The following CNTN3 variants were observed in gnomAD, a reference collection of about 807,000 sequenced individuals.
CNTN3 encodes contactin 3.
A neutral mutation model predicts 119.1 loss-of-function variants in CNTN3; 60 were observed. The observed-to-expected ratio is 0.50, with a 90% CI of 0.41 to 0.62. CNTN3 has a LOEUF of 0.62. Ranked by LOEUF, CNTN3 falls within the 20% of genes least tolerant of loss-of-function variation. The pLI is 0.00. For missense variants in CNTN3, 1,101 were observed against 1,242.4 expected (o/e 0.89, Z 1.71); for synonymous variants, 450 against 438.7 (o/e 1.03, Z -0.32).
rs1254617222 is a variant in CNTN3, at chr3:74,607,335, C to G, written c.-81+7056G>C. On this transcript the variant is annotated intron_variant, in intron 1 of 22. Transcript: ENST00000263665. Reference sequence around the variant, plus strand: ...AGCAGGCATCAGATTAGATCACTAGCTATATTGTTCGGGTTGATTTTAATT... The same window carrying G: ...AGCAGGCATCAGATTAGATCACTAGGTATATTGTTCGGGTTGATTTTAATT... Among the ~76,000 whole-genome samples the G allele has an allele frequency of 2.0e-5, 3 of 152,168 alleles. No homozygotes were observed. The East Asian group carries it at 5.8e-4, about 29-fold the overall frequency.
At chr3:74,402,435 TTTC>T (rs1705222721) in intron 5 of CNTN3, among the ~76,000 whole-genome samples, 1 of 152,214 alleles carries the variant, frequency 6.6e-6, no homozygotes, top group African/African-American at 2.4e-5. Flanking sequence ...AGCATTCCTT[TTTC>T]TTCTTCTACT....
At chr3:74,391,548 C>A (rs1486203213) in intron 5 of CNTN3, among the ~76,000 whole-genome samples, 1 of 140,202 alleles carries the variant, frequency 7.1e-6, no homozygotes, top group Non-Finnish European at 1.5e-5. Flanking sequence ...TTTTGTACTC[C>A]CATAGTTTCT....
In CNTN3 at chr3:74,366,780, G is replaced by GTATATA. The variant is rs59223804; in HGVS notation, c.947-1084_947-1079dup. Among the ~76,000 whole-genome samples the GTATATA allele has an allele frequency of 5.8e-3, 372 of 63,686 alleles. 11 individuals carry two copies. Among genetic ancestry groups the GTATATA allele is most frequent in the African/African-American group, 0.027 (312 of 11,758 alleles). The allele number at this position is 63,686 out of a possible 152,430, so 41.8% of individuals were successfully genotyped here. A position where few individuals can be genotyped will look rare whatever the true frequency, so the allele number is the denominator to read the frequency against. ...TGTGCGTGTGTGTGTGTGTGTGTGT[G>GTATATA]TATATATATATATATATATATATAT... On this transcript the variant is annotated intron_variant, in intron 8 of 22. Coordinates refer to ENST00000263665, the MANE Select transcript of CNTN3 (RefSeq NM_020872.3).
chr3:74,352,161 G>T (rs1347756206), intron 11 of CNTN3, among the ~76,000 whole-genome samples: 2 of 152,170 alleles, frequency 1.3e-5, no homozygotes, highest in Non-Finnish European at 1.5e-5. Flanking sequence ...GACACAACTG[G>T]AATAAAAGAA....
chr3:74,348,292 T>C (rs1703739059), intron 11 of CNTN3, among the ~76,000 whole-genome samples: 1 of 152,186 alleles, frequency 6.6e-6, no homozygotes, highest in South Asian at 2.1e-4. Context: ...TATCAAAATA[T>C]TACCTTCTGC....
chr3:74,549,371 A>T (rs1432955232), intron 1 of CNTN3, among the ~76,000 whole-genome samples: 1 of 152,118 alleles, frequency 6.6e-6, no homozygotes, highest in African/African-American at 2.4e-5. Context: ...GAGCCTATTA[A>T]ACCTCTTTTC....
chr3:74,581,835 C>T (rs1267464474), intron 1 of CNTN3, among the ~76,000 whole-genome samples: 1 of 152,000 alleles, frequency 6.6e-6, no homozygotes, highest in East Asian at 1.9e-4. Flanking sequence ...AACCAAGACA[C>T]CAAGGCAGTG....
intron 4 of CNTN3, among the ~76,000 whole-genome samples, chr3:74,459,813 A>ACT (rs1487236917): frequency 2.6e-5 from 4 of 151,882 alleles, no homozygotes; most frequent in African/African-American, 7.3e-5. Flanking sequence ...ACTTTCATAA[A>ACT]CTCGGGCTAT....
intron 1 of CNTN3, among the ~76,000 whole-genome samples, chr3:74,564,115 T>G (rs1704193234): frequency 6.6e-6 from 1 of 152,150 alleles, no homozygotes; most frequent in South Asian, 2.1e-4. Context: ...GGAGATACTC[T>G]GGTGTGTACA....
intron 13 of CNTN3, among the ~76,000 whole-genome samples, chr3:74,319,215 C>T (rs912361449): frequency 9.2e-5 from 14 of 152,120 alleles, no homozygotes; most frequent in African/African-American, 3.1e-4. Flanking sequence ...CAAGTCAATC[C>T]TAACCCAAAA....
chr3:74,488,179 C>T (rs927166024), intron 3 of CNTN3, among the ~76,000 whole-genome samples: 3 of 151,852 alleles, frequency 2.0e-5, no homozygotes, highest in African/African-American at 7.3e-5. Flanking sequence ...GTGGTGCGAT[C>T]TCAGCTCACG....
chr3:74,267,758 G>C (rs1286385256), intron 20 of CNTN3, among the ~76,000 whole-genome samples: 1 of 152,048 alleles, frequency 6.6e-6, no homozygotes, highest in Non-Finnish European at 1.5e-5. Context: ...ACGTCGATGG[G>C]GGGGATAAGG....
At chr3:74,476,340 T>C (rs1702654566) in intron 4 of CNTN3, among the ~76,000 whole-genome samples, 1 of 152,166 alleles carries the variant, frequency 6.6e-6, no homozygotes, top group South Asian at 2.1e-4. Context: ...GAACATTGAC[T>C]ATTTATGGTG....
At chr3:74,503,260 C>T (rs1703197167) in intron 2 of CNTN3, among the ~76,000 whole-genome samples, 1 of 152,112 alleles carries the variant, frequency 6.6e-6, no homozygotes, top group Admixed American at 6.6e-5. Context: ...TAACCAACAG[C>T]CTGCTTTTTC....
chr3:74,490,882 T>C (rs1330177077), intron 3 of CNTN3, among the ~76,000 whole-genome samples: 2 of 152,218 alleles, frequency 1.3e-5, no homozygotes, highest in East Asian at 1.9e-4. Context: ...AGAAGAATGT[T>C]AATTTTCTTT....
intron 13 of CNTN3, among the ~76,000 whole-genome samples, chr3:74,312,904 A>C (rs2106643989): frequency 6.6e-6 from 1 of 152,264 alleles, no homozygotes; most frequent in Middle Eastern, 3.4e-3. Context: ...TTCTATGATT[A>C]ATGTATTAAG....
intron 1 of CNTN3, among the ~76,000 whole-genome samples, chr3:74,612,891 A>G (rs1705106370): frequency 6.6e-6 from 1 of 152,224 alleles, no homozygotes; most frequent in Non-Finnish European, 1.5e-5. Flanking sequence ...CATTGCAACC[A>G]GTGACATGCA....
chr3:74,440,512 A>G (rs1016315872), intron 4 of CNTN3, among the ~76,000 whole-genome samples: 1 of 151,906 alleles, frequency 6.6e-6, no homozygotes, highest in African/African-American at 2.4e-5. Flanking sequence ...CCCATAAAAT[A>G]TAACTGTGGA....
In CNTN3 at chr3:74,614,634, G is replaced by A. The variant is rs931376784; in HGVS notation, c.-324C>T. Reference sequence around the variant, plus strand: ...CGCCGCCAAGCGCCAGGCTGCTGTGGCTGCTGCCGGCGCCTAGCGAGCACT... The same window carrying A: ...CGCCGCCAAGCGCCAGGCTGCTGTGACTGCTGCCGGCGCCTAGCGAGCACT... On this transcript the variant is annotated 5_prime_UTR_variant, in exon 1 of 23. Transcript: ENST00000263665. 6.7e-6 allele frequency among the ~76,000 whole-genome samples: 1 copy of A among 149,370 alleles called. No individual in the cohort carries two copies. Among genetic ancestry groups the A allele is most frequent in the Non-Finnish European group, 1.5e-5 (1 of 66,842 alleles).
Sources: allele counts gnomAD v4.1 joint callset (sites outside exome capture counted in the v4.1 genomes callset), GRCh38; gene constraint gnomAD v4.1.1; transcripts MANE v1.5; gene names NCBI Gene and HGNC (gene_info 2026-07-23, HGNC 2026-07-21).